Variants in ERICH3 observed in about 807,000 individuals in gnomAD.
The protein encoded by ERICH3 is glutamate-rich protein 3.
A neutral mutation model predicts 131.1 loss-of-function variants in ERICH3; 126 were observed. The ratio of observed to expected loss-of-function variants is 0.96; its 90% CI spans 0.83 to 1.11. ERICH3 has a LOEUF of 1.11. Ranked by LOEUF, ERICH3 falls within the 50% of genes most tolerant of loss-of-function variation. The pLI, the probability that ERICH3 is intolerant of heterozygous loss-of-function variation, is 0.00. For missense variants in ERICH3, 2,050 were observed against 1,810.7 expected (o/e 1.13, Z -2.40); for synonymous variants, 695 against 644.6 (o/e 1.08, Z -1.18).
chr1:74,600,167 C>G (rs552111560), intron 10 of ERICH3, among the ~76,000 whole-genome samples: 3 of 151,710 alleles, frequency 2.0e-5, no homozygotes, highest in Admixed American at 2.0e-4. Context: ...AGGCTGAAAC[C>G]TAATAAAAGT....
chr1:74,648,905 C>CTAACAGTT (rs986287816), intron 2 of ERICH3, among the ~76,000 whole-genome samples: 24 of 152,086 alleles, frequency 1.6e-4, no homozygotes, highest in Non-Finnish European at 3.4e-4. Flanking sequence ...TCTTCAATTC[C>CTAACAGTT]TAACAGTTTC....
rs750159594 is a variant in ERICH3, at chr1:74,606,703, T to C, written c.1387A>G (p.Thr463Ala). The change falls in exon 10 of 15, where the codon ACA (threonine) becomes GCA (alanine). Residue 463 changes from threonine to alanine, a missense_variant. Transcript: ENST00000326665. ...GCAGTTACCACTTCTTTGAGCCCTG[T>C]TTTTATTTCTTGAGCTGAAAATTTG... is the stretch of plus-strand genomic sequence containing the variant. ...SAKFSAQEIK[T>A]GLKEVVTAVE... is the part of the protein sequence containing the mutation. 1.2e-6 allele frequency: 2 copies of C among 1,613,362 alleles called. No homozygotes were observed. The highest frequency in any genetic ancestry group is 8.5e-7 in the Non-Finnish European group (1 of 1,179,530).
At chr1:74,592,384 C>T (rs1647649649) in intron 11 of ERICH3, 1 of 152,122 alleles carries the variant, frequency 6.6e-6, no homozygotes. Context: ...CTCCCCTTTC[C>T]CTTCAGAGTC....
chr1:74,606,535 C>A (rs1001290017), intron 10 of ERICH3, 66 bp downstream of exon 10: 2 of 1,474,980 alleles, frequency 1.4e-6, no homozygotes, highest in African/African-American at 1.4e-5. Flanking sequence ...AAATTTTGAT[C>A]ATCACATTTC....
rs1198754868 is a variant in ERICH3 at position 74,673,703 on chromosome 1, C to T, written c.-184G>A. ...CCCGGGCTACCCGCAGCCTCCCGGGCTCCCACCCTCCGTTGGTATCCACAG... is the reference window on the plus strand; with the variant it reads ...CCCGGGCTACCCGCAGCCTCCCGGGTTCCCACCCTCCGTTGGTATCCACAG... On this transcript the variant is annotated 5_prime_UTR_variant, in exon 1 of 15. Transcript: ENST00000326665. 4 of 471,212 alleles carry T rather than the reference C, an allele frequency of 8.5e-6. No homozygotes were observed. The highest frequency in any genetic ancestry group is 6.2e-5 in the African/African-American group (3 of 48,508). The allele number at this position is 471,212 out of a possible 1,614,324, so 29.2% of individuals were successfully genotyped here.
intron 7 of ERICH3, among the ~76,000 whole-genome samples, chr1:74,629,993 ATGG>A (rs2100621632): frequency 6.6e-6 from 1 of 152,296 alleles, no homozygotes; most frequent in South Asian, 2.1e-4. Context: ...TAGTGAGTGC[ATGG>A]TGCTTGCTTG....
At chr1:74,604,008 A>T (rs550575832) in intron 10 of ERICH3, among the ~76,000 whole-genome samples, 56 of 152,034 alleles carry the variant, frequency 3.7e-4, no homozygotes, top group African/African-American at 1.3e-3. Flanking sequence ...ATGCTGTTTA[A>T]CAGCATTTAC....
At chr1:74,575,503 T>C (rs1197491714) in intron 13 of ERICH3, among the ~76,000 whole-genome samples, 2 of 152,226 alleles carry the variant, frequency 1.3e-5, no homozygotes, top group African/African-American at 2.4e-5. Context: ...TGAGAGAATA[T>C]GGTCCATTTT....
chr1:74,672,493 A>G (rs961316537), intron 1 of ERICH3, among the ~76,000 whole-genome samples: 2 of 152,254 alleles, frequency 1.3e-5, no homozygotes, highest in Admixed American at 6.5e-5. Context: ...TTCATTAAAA[A>G]GTAAAATCTT....
At chr1:74,650,031 T>A (rs1157172340) in intron 1 of ERICH3, among the ~76,000 whole-genome samples, 1 of 152,124 alleles carries the variant, frequency 6.6e-6, no homozygotes, top group East Asian at 1.9e-4. Flanking sequence ...ATTCTTGGTA[T>A]CCCTACTGAT....
rs563286348 is a variant in ERICH3 at position 74,616,190 on chromosome 1, T to C, written c.1001-3381A>G. On this transcript the variant is annotated intron_variant, in intron 8 of 14. Coordinates refer to ENST00000326665, the MANE Select transcript of ERICH3 (RefSeq NM_001002912.5). Reference sequence around the variant, plus strand: ...CTATATATATATACACATATATATATTGTATTTTTAGTAGAGACGGGGTTT... The same window carrying C: ...CTATATATATATACACATATATATACTGTATTTTTAGTAGAGACGGGGTTT... Among the ~76,000 whole-genome samples, 15 of 152,094 alleles carry C rather than the reference T, an allele frequency of 9.9e-5. No homozygotes were observed. In the South Asian group the frequency reaches 2.3e-3, roughly 23 times the overall value.
chr1:74,609,893 A>G (rs1169594584), intron 9 of ERICH3, among the ~76,000 whole-genome samples: 1 of 152,036 alleles, frequency 6.6e-6, no homozygotes, highest in Non-Finnish European at 1.5e-5. Flanking sequence ...CATAGAAATA[A>G]TTGTACAGAG....
intron 1 of ERICH3, among the ~76,000 whole-genome samples, chr1:74,662,300 C>T (rs1204627904): frequency 6.6e-6 from 1 of 152,046 alleles, no homozygotes; most frequent in African/African-American, 2.4e-5. Context: ...AAGATTCCAG[C>T]ATGAATTGAA....
In ERICH3 at chr1:74,568,402, C is replaced by T. The variant is rs1012050003; in HGVS notation, c.*2056G>A. The T allele has an allele frequency of 6.6e-6, 1 of 152,098 alleles. No homozygotes were observed. The highest frequency in any genetic ancestry group is 1.5e-5 in the Non-Finnish European group (1 of 67,976). The allele number at this position is 152,098 out of a possible 1,614,324, so 9.4% of individuals were successfully genotyped here. A position where few individuals can be genotyped will look rare whatever the true frequency, so the allele number is the denominator to read the frequency against. On this transcript the variant is annotated 3_prime_UTR_variant, in exon 15 of 15. Transcript: ENST00000326665. ...TGGGATTAATACATTTACTATCTTT[C>T]CTATAAGGTGTGATGTATTCAAAGT... is the stretch of plus-strand genomic sequence containing the variant.
intron 1 of ERICH3, among the ~76,000 whole-genome samples, chr1:74,667,911 C>T (rs1260203343): frequency 6.6e-6 from 1 of 152,056 alleles, no homozygotes; most frequent in African/African-American, 2.4e-5. Context: ...AAGCACTTTC[C>T]CCCACGCTGT....
At chr1:74,574,223 A>C (rs1647012255) in intron 13 of ERICH3, among the ~76,000 whole-genome samples, 1 of 151,840 alleles carries the variant, frequency 6.6e-6, no homozygotes, top group Non-Finnish European at 1.5e-5. Flanking sequence ...GGCTGGTTTC[A>C]ACTCTTGGAT....
chr1:74,646,893 C>G (rs572640039), intron 2 of ERICH3, 101 bp from the exon 3 acceptor site: 23 of 244,542 alleles, frequency 9.4e-5, no homozygotes, highest in East Asian at 4.7e-4. Flanking sequence ...CAGACAGACA[C>G]ACACACACAC....
At chr1:74,622,849 G>A (rs957916472) in intron 7 of ERICH3, 2 of 152,184 alleles carry the variant, frequency 1.3e-5, no homozygotes, top group African/African-American at 4.8e-5. Context: ...TTCTGCTAAA[G>A]CTTATTTCTG....
chr1:74,654,978 A>T (rs1388837735), intron 1 of ERICH3, among the ~76,000 whole-genome samples: 6 of 152,284 alleles, frequency 3.9e-5, no homozygotes, highest in Non-Finnish European at 7.4e-5. Flanking sequence ...TAATCCACCC[A>T]ATTCTCCACT....
Sources: gnomAD v4.1 joint callset for allele counts (sites outside exome capture counted in the v4.1 genomes callset) on GRCh38, gnomAD v4.1.1 for gene constraint, MANE v1.5 for transcripts, NCBI Gene and HGNC (gene_info 2026-07-23, HGNC 2026-07-21) for gene names.